The following FIGN variants were observed in gnomAD, a reference collection of about 807,000 sequenced individuals.
FIGN encodes fidgetin, microtubule severing factor.
Under a neutral mutation model 51.3 loss-of-function variants are expected in FIGN, and 11 were observed. The ratio of observed to expected loss-of-function variants is 0.21; its 90% CI spans 0.13 to 0.35. FIGN has a LOEUF of 0.35. Ranked by LOEUF, FIGN falls within the 10% of genes least tolerant of loss-of-function variation. FIGN has a pLI of 1.00. For missense variants in FIGN, 857 were observed against 943.6 expected, an observed-to-expected ratio of 0.91 and a Z score of 1.20; for synonymous variants, 407 against 363.2, an observed-to-expected ratio of 1.12 and a Z score of -1.37.
In FIGN at chr2:163,693,721, A is replaced by G. The variant is rs547263421; in HGVS notation, c.25+41182T>C. Among the ~76,000 whole-genome samples the G allele has an allele frequency of 6.6e-5, 10 of 152,244 alleles. No individual in the cohort carries two copies. The South Asian group carries it at 1.7e-3, about 25-fold the overall frequency. On this transcript the variant is annotated intron_variant, in intron 2 of 2. Coordinates refer to ENST00000333129, the MANE Select transcript of FIGN (RefSeq NM_018086.4). The stretch of plus-strand genomic sequence containing the variant: ...GCTAGGGAATACTAGTAAAAACAAA[A>G]CATATTACTTCATAACTGGGAGAAA...
intron 2 of FIGN, among the ~76,000 whole-genome samples, chr2:163,673,578 T>G (rs937712669): frequency 2.0e-5 from 3 of 152,138 alleles, no homozygotes; most frequent in Non-Finnish European, 2.9e-5. Flanking sequence ...TTTAATTGAC[T>G]GGGATTTATG....
rs1266136199 is a variant in FIGN, at chr2:163,605,793, G to A, written c.*3759C>T. 6.6e-6 allele frequency: 1 copy of A among 151,804 alleles called. No homozygotes were observed. The highest frequency in any genetic ancestry group is 1.9e-4 in the East Asian group (1 of 5,156). 9.4% of individuals were successfully genotyped at this position (151,804 alleles called of 1,614,324 possible). On this transcript the variant is annotated 3_prime_UTR_variant, in exon 3 of 3. Transcript: ENST00000333129. ...CAGAAGTCTCTTTCTGCTTGGAGTT[G>A]GATACATTTTTAGAGAAAGAAATTC...
At chr2:163,615,754 C>G (rs1052761437) in intron 2 of FIGN, among the ~76,000 whole-genome samples, 1 of 152,104 alleles carries the variant, frequency 6.6e-6, no homozygotes, top group African/African-American at 2.4e-5. Context: ...AGAACAATAA[C>G]TCCTACTGTT....
chr2:163,614,902 G>C (rs943694637), intron 2 of FIGN, among the ~76,000 whole-genome samples: 3 of 151,966 alleles, frequency 2.0e-5, no homozygotes, highest in Admixed American at 6.6e-5. Flanking sequence ...ATTCATACAA[G>C]AGATGAAAAA....
chr2:163,695,806 G>A (rs1182084517), intron 2 of FIGN, among the ~76,000 whole-genome samples: 1 of 152,058 alleles, frequency 6.6e-6, no homozygotes, highest in African/African-American at 2.4e-5. Context: ...AGCACATCTT[G>A]GATTCTTAAA....
intron 2 of FIGN, among the ~76,000 whole-genome samples, chr2:163,624,102 A>T (rs1161581651): frequency 1.3e-5 from 2 of 152,034 alleles, no homozygotes; most frequent in East Asian, 1.9e-4. Flanking sequence ...GCTAAATAAC[A>T]CACCTTTTAA....
chr2:163,614,333 G>A (rs2105301519), intron 2 of FIGN, among the ~76,000 whole-genome samples: 1 of 152,208 alleles, frequency 6.6e-6, no homozygotes. Context: ...ATTATTAAGA[G>A]CAAATCACCA....
intron 2 of FIGN, among the ~76,000 whole-genome samples, chr2:163,694,694 TC>T (rs1403917156): frequency 4.9e-4 from 74 of 152,182 alleles, no homozygotes; most frequent in African/African-American, 1.7e-3. Flanking sequence ...ATTGGCCATG[TC>T]CTTTAATGGC....
At chr2:163,707,025 A>C (rs1206836870) in intron 2 of FIGN, among the ~76,000 whole-genome samples, 1 of 152,218 alleles carries the variant, frequency 6.6e-6, no homozygotes, top group Non-Finnish European at 1.5e-5. Context: ...CATCAATAAA[A>C]TTGTACAAGA....
At chr2:163,704,630 T>TCTCTCTCTCTCC in intron 2 of FIGN, among the ~76,000 whole-genome samples, 1 of 126,614 alleles carries the variant, frequency 7.9e-6, no homozygotes, top group East Asian at 2.2e-4. Context: ...TCTCTTTCTC[T>TCTCTCTCTCTCC]CTCTCTCTCT....
chr2:163,668,659 G>A (rs967102636), intron 2 of FIGN, among the ~76,000 whole-genome samples: 2 of 152,192 alleles, frequency 1.3e-5, no homozygotes, highest in African/African-American at 4.8e-5. Flanking sequence ...AGATGTAGTA[G>A]GCCAGGCGCA....
intron 2 of FIGN, among the ~76,000 whole-genome samples, chr2:163,708,390 G>A (rs574085792): frequency 3.9e-5 from 6 of 152,112 alleles, no homozygotes; most frequent in Admixed American, 6.5e-5. Flanking sequence ...GTTTCTAGGC[G>A]CAGAATATAG....
chr2:163,611,576 G>C lies in FIGN; in HGVS notation c.256C>G (p.Pro86Ala). Reference sequence around the variant, plus strand: ...GTGTCCGAATAGTTGCTGAGTACGGGTCGGTCCACAGGACCTTCCAAAATG... The same window carrying C: ...GTGTCCGAATAGTTGCTGAGTACGGCTCGGTCCACAGGACCTTCCAAAATG... ...SGILEGPVDR[P>A]VLSNYSDTPS... is the part of the protein sequence containing the mutation. Residue 86 changes from proline to alanine, a missense_variant, in exon 3 of 3, where the codon CCC (proline) becomes GCC (alanine). Physicochemically the swap from Pro to Ala is conservative, Grantham distance 27 (BLOSUM62 -1). Coordinates refer to ENST00000333129, the MANE Select transcript of FIGN (RefSeq NM_018086.4). 6.2e-7 allele frequency: 1 copy of C among 1,614,212 alleles called. No homozygotes were observed. The highest frequency in any genetic ancestry group is 8.5e-7 in the Non-Finnish European group (1 of 1,180,026).
chr2:163,726,833 T>C (rs1285152707), intron 2 of FIGN, among the ~76,000 whole-genome samples: 1 of 152,138 alleles, frequency 6.6e-6, no homozygotes, highest in Non-Finnish European at 1.5e-5. Flanking sequence ...ATCTATAGCC[T>C]TATTTCTTCA....
At chr2:163,683,486 A>G (rs1410957136) in intron 2 of FIGN, among the ~76,000 whole-genome samples, 6 of 152,194 alleles carry the variant, frequency 3.9e-5, no homozygotes, top group Non-Finnish European at 8.8e-5. Flanking sequence ...GGAAGGGTCA[A>G]ACCAATACAG....
intron 2 of FIGN, among the ~76,000 whole-genome samples, chr2:163,613,895 G>A (rs1433065312): frequency 6.6e-6 from 1 of 152,132 alleles, no homozygotes; most frequent in Non-Finnish European, 1.5e-5. Context: ...TCTGAATGCT[G>A]CACAGTGTAA....
At chr2:163,664,315 T>C (rs1247657547) in intron 2 of FIGN, among the ~76,000 whole-genome samples, 1 of 152,238 alleles carries the variant, frequency 6.6e-6, no homozygotes, top group Non-Finnish European at 1.5e-5. Context: ...CCAAAGCTGC[T>C]TCATCTATGA....
intron 2 of FIGN, among the ~76,000 whole-genome samples, chr2:163,703,107 G>A (rs1415593334): frequency 6.6e-6 from 1 of 151,548 alleles, no homozygotes. Context: ...TGCTTGATTG[G>A]CTTTAGCAGT....
At chr2:163,645,425 C>T (rs1042016614) in intron 2 of FIGN, among the ~76,000 whole-genome samples, 1 of 152,130 alleles carries the variant, frequency 6.6e-6, no homozygotes, top group Admixed American at 6.6e-5. Context: ...TATAAGAATA[C>T]TTTCACAGTG....
Sources: allele counts gnomAD v4.1 joint callset (sites outside exome capture counted in the v4.1 genomes callset), GRCh38; gene constraint gnomAD v4.1.1; transcripts MANE v1.5; gene names NCBI Gene and HGNC (gene_info 2026-07-23, HGNC 2026-07-21).